The following BRCA1 variants were observed in gnomAD, a reference collection of about 807,000 sequenced individuals.
BRCA1 encodes the protein breast cancer type 1 susceptibility protein.
BRCA1 carries 140 observed loss-of-function variants against 173.7 expected under a neutral mutation model. The ratio of observed to expected loss-of-function variants is 0.81; its 90% CI spans 0.70 to 0.93. The LOEUF (loss-of-function observed/expected upper bound fraction) is 0.93. Among genes scored for constraint, BRCA1 ranks in the 40% least tolerant of loss-of-function variants. The probability of loss-of-function intolerance (pLI) is 0.00; values close to 1 mark genes in which losing one functional copy is unlikely to be tolerated. For missense variants in BRCA1, 1,983 were observed against 2,172.5 expected, an observed-to-expected ratio of 0.91 and a Z score of 1.73; for synonymous variants, 662 against 756.0, an observed-to-expected ratio of 0.88 and a Z score of 2.04.
intron 18 of BRCA1, among the ~76,000 whole-genome samples, chr17:43,060,167 T>A (rs771887591): frequency 1.3e-5 from 2 of 151,912 alleles, no homozygotes; most frequent in African/African-American, 4.8e-5. Context: ...ACCTCCCGGG[T>A]TGATGAAGTG....
chr17:43,129,623 G>A (rs1172164481), upstream of BRCA1, among the ~76,000 whole-genome samples: 1 of 152,024 alleles, frequency 6.6e-6, no homozygotes, highest in Admixed American at 6.6e-5. Context: ...ACAGGCACCC[G>A]CCATCACGCC....
In BRCA1 at chr17:43,060,321, A is replaced by C. The variant is rs4793193; in HGVS notation, c.5193+3012T>G. ...CCTCCCAAAGTGCTGGGATTACAGG[A>C]ATGAGCCACCACACCCAGCCGTGCC... On this transcript the variant is annotated intron_variant, in intron 18 of 22. Coordinates refer to ENST00000357654, the MANE Select transcript of BRCA1 (RefSeq NM_007294.4). Among the ~76,000 whole-genome samples the C allele has an allele frequency of 0.31, 47,125 of 151,444 alleles. 7,686 individuals are homozygous for C. Among genetic ancestry groups the C allele is most frequent in the South Asian group, 0.49 (2,374 of 4,800 alleles).
chr17:43,047,190 C>A (rs1257404606), intron 22 of BRCA1, among the ~76,000 whole-genome samples: 2 of 152,056 alleles, frequency 1.3e-5, no homozygotes, highest in African/African-American at 4.8e-5. Flanking sequence ...GCATCAACCT[C>A]CTGAGCTCAA....
In BRCA1 at chr17:43,094,027, A is replaced by G; in HGVS notation, c.1504T>C (p.Leu502=). The change falls in exon 10 of 23, where the codon TTA becomes CTA. Residue 502 remains leucine, a synonymous_variant. Transcript: ENST00000357654. ...GATGTAGGTCTCCTTTTACGCTTTA[A>G]TTTATTTGTGAGGGGACGCTCTTGT... ...IIQERPLTNK[L]KRKRRPTSGL... The G allele has an allele frequency of 6.2e-7, 1 of 1,613,934 alleles. No homozygotes were observed. The highest frequency in any genetic ancestry group is 8.5e-7 in the Non-Finnish European group (1 of 1,179,944).
chr17:43,139,884 T>A (rs370219046), intron 1 of BRCA1: 1 of 472,898 alleles, frequency 2.1e-6, no homozygotes, highest in Admixed American at 2.3e-5. Context: ...TTCTTTTTTA[T>A]GATTGCACAT....
chr17:43,127,970 G>T (rs570508068), upstream of BRCA1, among the ~76,000 whole-genome samples: 1 of 135,892 alleles, frequency 7.4e-6, no homozygotes, highest in East Asian at 2.2e-4. Context: ...CTTGCAGTGA[G>T]CCCAGATTGC....
rs185494719 is a variant in BRCA1 at position 43,110,245 on chromosome 17, T to G, written c.135-3712A>C. ...GAATACATGTATAAAGGTTGTTAAC[T>G]AAACTTAAAAGAAAATGAACTTGTA... is the stretch of plus-strand genomic sequence containing the variant. On this transcript the variant is annotated intron_variant, in intron 3 of 22. Coordinates refer to ENST00000357654, the MANE Select transcript of BRCA1 (RefSeq NM_007294.4). Among the ~76,000 whole-genome samples, 82 of 152,188 alleles carry G rather than the reference T, an allele frequency of 5.4e-4. No individual in the cohort carries two copies. In the Middle Eastern group the frequency reaches 0.01, roughly 19 times the overall value.
intron 1 of BRCA1, among the ~76,000 whole-genome samples, chr17:43,133,637 CTTTT>C (rs34083503): frequency 7.2e-6 from 1 of 138,680 alleles, no homozygotes; most frequent in Non-Finnish European, 1.5e-5. Context: ...TTTTCACTTC[CTTTT>C]TTTTTTTTTT....
intron 18 of BRCA1, among the ~76,000 whole-genome samples, chr17:43,057,372 G>A (rs564927512): frequency 2.1e-4 from 32 of 152,112 alleles, no homozygotes; most frequent in African/African-American, 6.7e-4. Context: ...TTAGTTGGGC[G>A]TGGTGGCAGG....
intron 2 of BRCA1, among the ~76,000 whole-genome samples, chr17:43,122,284 C>A (rs1215776284): frequency 6.6e-6 from 1 of 152,116 alleles, no homozygotes; most frequent in Non-Finnish European, 1.5e-5. Context: ...GAATGTTACT[C>A]ACTACTAACC....
rs80357197 is a variant in BRCA1 at position 43,094,280 on chromosome 17, A to C, written c.1251T>G (p.Asn417Lys). Residue 417 changes from asparagine to lysine, a missense_variant, in exon 10 of 23, where the codon AAT (asparagine) becomes AAG (lysine). Coordinates refer to ENST00000357654, the MANE Select transcript of BRCA1 (RefSeq NM_007294.4). Reference protein sequence around the residue: ...AKVADVLDVLNEVDEYSGSSE... With the variant: ...AKVADVLDVLKEVDEYSGSSE... ...AAGAACCAGAATATTCATCTACCTC[A>C]TTTAGAACGTCCAATACATCAGCTA... 1 of 1,614,158 alleles carries C rather than the reference A, an allele frequency of 6.2e-7. No homozygotes were observed. The highest frequency in any genetic ancestry group is 8.5e-7 in the Non-Finnish European group (1 of 1,180,026).
intron 1 of BRCA1, chr17:43,163,889 C>A (rs2056251317): frequency 6.6e-6 from 1 of 152,244 alleles, no homozygotes; most frequent in Non-Finnish European, 1.5e-5. Flanking sequence ...GGGGGCTGAC[C>A]CGCAGGGTGC....
intron 1 of BRCA1, among the ~76,000 whole-genome samples, chr17:43,154,586 AC>A (rs1432672319): frequency 3.3e-5 from 5 of 152,212 alleles, no homozygotes; most frequent in African/African-American, 1.2e-4. Flanking sequence ...TTTAGAAAAT[AC>A]ATCACCCCAG....
chr17:43,160,604 T>C (rs1272279575), intron 1 of BRCA1: 1 of 152,128 alleles, frequency 6.6e-6, no homozygotes, highest in Non-Finnish European at 1.5e-5. Flanking sequence ...AGTCCCAGGG[T>C]GTGGCGCCCG....
intron 15 of BRCA1, 76 bp downstream of exon 15, chr17:43,070,852 A>G (rs1360943145): frequency 7.3e-6 from 11 of 1,508,414 alleles, no homozygotes; most frequent in Non-Finnish European, 9.2e-6. Context: ...TTATTAATTG[A>G]CAATACCTAC....
At chr17:43,110,702 C>A (rs1413386435) in intron 3 of BRCA1, 5 of 274,944 alleles carry the variant, frequency 1.8e-5, no homozygotes, top group African/African-American at 4.4e-5. Context: ...AGGCTGGGTG[C>A]GGTGGCTCAT....
intron 1 of BRCA1, among the ~76,000 whole-genome samples, chr17:43,158,670 A>T (rs2056213256): frequency 6.6e-6 from 1 of 152,240 alleles, no homozygotes; most frequent in Non-Finnish European, 1.5e-5. Flanking sequence ...TATTTAATTT[A>T]TTCAACAAAT....
chr17:43,109,774 A>G (rs2054955954), intron 3 of BRCA1, among the ~76,000 whole-genome samples: 1 of 152,188 alleles, frequency 6.6e-6, no homozygotes, highest in African/African-American at 2.4e-5. Context: ...CCCTTATGAT[A>G]GTACTGCAGA....
At chr17:43,101,190 T>C (rs1001113269) in intron 6 of BRCA1, among the ~76,000 whole-genome samples, 2 of 151,848 alleles carry the variant, frequency 1.3e-5, no homozygotes, top group African/African-American at 4.8e-5. Flanking sequence ...CTGTGAGAAC[T>C]ACTTTTATTT....
Sources: allele counts gnomAD v4.1 joint callset (sites outside exome capture counted in the v4.1 genomes callset), GRCh38; gene constraint gnomAD v4.1.1; transcripts MANE v1.5; gene names NCBI Gene and HGNC (gene_info 2026-07-23, HGNC 2026-07-21).